Variants in TMEM233 observed in about 807,000 individuals in gnomAD.
TMEM233 encodes the protein dispanin subfamily B member 2.
In TMEM233, 6 loss-of-function variants were observed where a neutral mutation model predicts 11.2. The observed-to-expected ratio is 0.54, with a 90% CI of 0.29 to 1.06. The LOEUF (loss-of-function observed/expected upper bound fraction) is 1.06. TMEM233 is among the 50% of genes least tolerant of loss of function. The probability of loss-of-function intolerance (pLI) is 0.08; values close to 1 mark genes in which losing one functional copy is unlikely to be tolerated. For missense variants in TMEM233, 127 were observed against 144.7 expected, an observed-to-expected ratio of 0.88 and a Z score of 0.63; for synonymous variants, 59 against 55.8, an observed-to-expected ratio of 1.06 and a Z score of -0.26.
At chr12:119,643,896 A>C (rs1955117623), downstream of TMEM233, among the ~76,000 whole-genome samples, 1 of 152,212 alleles carries the variant, frequency 6.6e-6, no homozygotes, top group South Asian at 2.1e-4. Flanking sequence ...ATAGCTTCAG[A>C]GGCAGCTGGA....
At chr12:119,626,041 T>C (rs1214459283) in intron 1 of TMEM233, among the ~76,000 whole-genome samples, 1 of 152,190 alleles carries the variant, frequency 6.6e-6, no homozygotes. Flanking sequence ...CTGATGTGTT[T>C]GGGTGGGTGG....
At chr12:119,598,046 G>A (rs538180805) in intron 1 of TMEM233, among the ~76,000 whole-genome samples, 1 of 152,284 alleles carries the variant, frequency 6.6e-6, no homozygotes, top group Non-Finnish European at 1.5e-5. Context: ...TATTCCATGT[G>A]AAAGAACCCT....
At chr12:119,596,487 C>CTTTTTTTTTTTTTTTTT in intron 1 of TMEM233, among the ~76,000 whole-genome samples, 1 of 90,386 alleles carries the variant, frequency 1.1e-5, no homozygotes, top group Non-Finnish European at 2.0e-5. Flanking sequence ...AAGTTTGTAT[C>CTTTTTTTTTTTTTTTTT]TTTTTTTTTT....
chr12:119,622,937 T>C (rs935751024), intron 1 of TMEM233, among the ~76,000 whole-genome samples: 2 of 152,162 alleles, frequency 1.3e-5, no homozygotes, highest in African/African-American at 4.8e-5. Context: ...TACATGTCCC[T>C]GGAAAGAAGG....
downstream of TMEM233, chr12:119,643,100 T>C (rs963955170): frequency 6.6e-6 from 1 of 152,244 alleles, no homozygotes; most frequent in Admixed American, 6.5e-5. Context: ...TTGTGTTTTC[T>C]TGGGGTTCCC....
chr12:119,640,240 C>T (rs1022053370), intron 2 of TMEM233, among the ~76,000 whole-genome samples: 13 of 152,278 alleles, frequency 8.5e-5, no homozygotes, highest in African/African-American at 2.2e-4. Flanking sequence ...CTGCAAGCTC[C>T]GCCTCCCGGG....
chr12:119,648,919 A>G, the TMEM233 span, among the ~76,000 whole-genome samples: 9 of 152,338 alleles, frequency 5.9e-5, no homozygotes, highest in African/African-American at 1.9e-4. Context: ...ATCCTGTCTC[A>G]AAACTTTCTC....
chr12:119,622,090 G>A (rs1235711642), intron 1 of TMEM233, among the ~76,000 whole-genome samples: 1 of 152,196 alleles, frequency 6.6e-6, no homozygotes, highest in Non-Finnish European at 1.5e-5. Flanking sequence ...GAGGGATCAG[G>A]ACTAGACAGA....
chr12:119,629,255 C>G (rs1347892572), intron 1 of TMEM233, among the ~76,000 whole-genome samples: 1 of 152,012 alleles, frequency 6.6e-6, no homozygotes, highest in African/African-American at 2.4e-5. Context: ...ACTAAAAATA[C>G]AAAAATTAGC....
intron 1 of TMEM233, among the ~76,000 whole-genome samples, chr12:119,600,185 C>A (rs1278898963): frequency 1.9e-4 from 15 of 79,508 alleles, no homozygotes; most frequent in Admixed American, 7.1e-4. Context: ...AAAAGACCTG[C>A]AGTTTACAAA....
Position 119,611,659 on chromosome 12 carries a change from CT to C in TMEM233, c.186+17631del, listed in dbSNP as rs374892243. On this transcript the variant is annotated intron_variant, in intron 1 of 2. Transcript: ENST00000426426. The stretch of plus-strand genomic sequence containing the variant: ...TTGCTTCTTTCACTGCTTTGTGAAC[CT>C]TTTTTGAGAGGTCTGTTTATGTATC... Among the ~76,000 whole-genome samples, 1,255 of 152,004 alleles carry C rather than the reference CT, an allele frequency of 8.3e-3. 20 individuals are homozygous for C. Among genetic ancestry groups the C allele is most frequent in the African/African-American group, 0.029 (1,193 of 41,454 alleles).
At chr12:119,621,044 CTTTT>C (rs3078447) in intron 1 of TMEM233, among the ~76,000 whole-genome samples, 2 of 120,466 alleles carry the variant, frequency 1.7e-5, no homozygotes, top group Non-Finnish European at 1.7e-5. Flanking sequence ...CCATACCTGG[CTTTT>C]TTTTTTTTTT....
chr12:119,652,989 C>T, the TMEM233 span, among the ~76,000 whole-genome samples: 4 of 152,232 alleles, frequency 2.6e-5, no homozygotes, highest in Middle Eastern at 3.4e-3. Flanking sequence ...AACATAAGAA[C>T]GAGTCACTAG....
At chr12:119,617,943 T>C (rs1318634078) in intron 1 of TMEM233, among the ~76,000 whole-genome samples, 1 of 152,184 alleles carries the variant, frequency 6.6e-6, no homozygotes, top group African/African-American at 2.4e-5. Context: ...CTCCATGGCA[T>C]GTTAGAGACT....
In TMEM233 at chr12:119,594,007, C is replaced by T. The variant is rs1182631579; in HGVS notation, c.159C>T (p.Asn53=). ...VSCFCPAYPI[N]IVALVFSIMS... ...GTTTTTGCCCTGCGTACCCCATCAA[C>T]ATCGTGGCTTTGGTCTTTTCCATCA... Residue 53 remains asparagine (N), a synonymous_variant, in exon 1 of 3, where the codon AAC becomes AAT. Transcript: ENST00000426426. This position sits in a 1 kb window ranked among gnomAD's most constrained non-coding sequence, Gnocchi z 5.6. 2 of 1,551,718 alleles carry T rather than the reference C, an allele frequency of 1.3e-6. No individual in the cohort carries two copies. Among genetic ancestry groups the T allele is most frequent in the African/African-American group, 1.4e-5 (1 of 73,186 alleles).
At chr12:119,603,917 T>C (rs1280082086) in intron 1 of TMEM233, among the ~76,000 whole-genome samples, 2 of 152,338 alleles carry the variant, frequency 1.3e-5, no homozygotes, top group East Asian at 3.9e-4. Context: ...GCCAAAACCT[T>C]TTTTGGAAAA....
At chr12:119,635,606 G>A (rs542797572) in intron 2 of TMEM233, among the ~76,000 whole-genome samples, 4 of 152,254 alleles carry the variant, frequency 2.6e-5, no homozygotes, top group Non-Finnish European at 4.4e-5. Context: ...AATTTAGCCC[G>A]ATTATGACAC....
At chr12:119,637,840 C>A (rs1954999113) in intron 2 of TMEM233, among the ~76,000 whole-genome samples, 1 of 152,172 alleles carries the variant, frequency 6.6e-6, no homozygotes, top group Non-Finnish European at 1.5e-5. Context: ...TTCAACCTCA[C>A]TAGTAATCAA....
At chr12:119,619,516 C>A (rs1239613905) in intron 1 of TMEM233, among the ~76,000 whole-genome samples, 1 of 151,944 alleles carries the variant, frequency 6.6e-6, no homozygotes, top group Non-Finnish European at 1.5e-5. Flanking sequence ...TAGCACTCAC[C>A]TGTAGTCCCA....
Sources: gnomAD v4.1 joint callset for allele counts (sites outside exome capture counted in the v4.1 genomes callset) on GRCh38, gnomAD v4.1.1 for gene constraint, Gnocchi (gnomAD v3.1) non-coding constraint, MANE v1.5 for transcripts, NCBI Gene and HGNC (gene_info 2026-07-23, HGNC 2026-07-21) for gene names.